VAV3: variants seen among roughly 807,000 people sequenced by gnomAD.
VAV3 encodes the protein vav guanine nucleotide exchange factor 3.
A neutral mutation model predicts 131.2 loss-of-function variants in VAV3; 94 were observed. The ratio of observed to expected loss-of-function variants is 0.72; its 90% CI spans 0.61 to 0.85. The LOEUF (loss-of-function observed/expected upper bound fraction) is 0.85. VAV3 is among the 40% of genes least tolerant of loss of function. The pLI, the probability that VAV3 is intolerant of heterozygous loss-of-function variation, is 0.00. For missense variants in VAV3, 939 were observed against 1,002.7 expected, an observed-to-expected ratio of 0.94 and a Z score of 0.86; for synonymous variants, 349 against 342.0, an observed-to-expected ratio of 1.02 and a Z score of -0.22.
intron 15 of VAV3, among the ~76,000 whole-genome samples, chr1:107,719,153 A>C (rs1661322426): frequency 6.6e-6 from 1 of 152,230 alleles, no homozygotes; most frequent in Non-Finnish European, 1.5e-5. Flanking sequence ...ATGGGCAAGG[A>C]CTTCATGACT....
At chr1:107,719,365 AAATC>A (rs530752549) in intron 15 of VAV3, among the ~76,000 whole-genome samples, 39 of 152,332 alleles carry the variant, frequency 2.6e-4, no homozygotes, top group South Asian at 1.9e-3. Context: ...TTACAAGAGA[AAATC>A]AAACAACTCC....
At position 107,736,444 on chromosome 1, in the gene VAV3, T is replaced by C. The variant is rs142816342; in HGVS notation, c.1502+12524A>G. 6.6e-3 allele frequency among the ~76,000 whole-genome samples: 1,001 copies of C among 152,320 alleles called. 13 individuals carry two copies. The highest frequency in any genetic ancestry group is 6.8e-3 in the Middle Eastern group (2 of 294). ...TCCCTGTTTGCAGATGACACGATTG[T>C]ATATTTAGAAAACCCCATCACCTCA... On this transcript the variant is annotated intron_variant, in intron 15 of 26. Coordinates refer to ENST00000370056, the MANE Select transcript of VAV3 (RefSeq NM_006113.5).
chr1:107,849,963 TATG>T (rs1248474237), intron 2 of VAV3, among the ~76,000 whole-genome samples: 4 of 152,110 alleles, frequency 2.6e-5, no homozygotes, highest in African/African-American at 9.7e-5. Context: ...CCAACACACA[TATG>T]AAGAAAAGCT....
At chr1:107,964,582 C>T in intron 1 of VAV3, 84 bp downstream of exon 1, 1 of 1,442,948 alleles carries the variant, frequency 6.9e-7, no homozygotes, top group African/African-American at 1.4e-5. Context: ...CGCACCTAGA[C>T]GTTTGCATTT....
intron 19 of VAV3, among the ~76,000 whole-genome samples, chr1:107,680,404 T>C (rs1658519279): frequency 6.6e-6 from 1 of 152,170 alleles, no homozygotes; most frequent in Non-Finnish European, 1.5e-5. Flanking sequence ...TTTAATATTA[T>C]TCTCCTTCAC....
intron 25 of VAV3, chr1:107,578,951 ATAGG>A (rs1292224777): frequency 2.7e-5 from 26 of 971,486 alleles, no homozygotes; most frequent in Non-Finnish European, 3.2e-5. Context: ...AATTTCAACA[ATAGG>A]TAGGTAAATT....
intron 1 of VAV3, among the ~76,000 whole-genome samples, chr1:107,900,093 T>C (rs1671783112): frequency 6.6e-6 from 1 of 152,318 alleles, no homozygotes; most frequent in East Asian, 1.9e-4. Flanking sequence ...AATCCTGCAC[T>C]AAACACATTA....
chr1:107,626,300 T>C (rs545606298), intron 20 of VAV3, among the ~76,000 whole-genome samples: 1 of 152,242 alleles, frequency 6.6e-6, no homozygotes, highest in South Asian at 2.1e-4. Context: ...CCAGGGAAAA[T>C]GTTTCTTACA....
At chr1:107,834,112 A>G (rs1668373657) in intron 2 of VAV3, among the ~76,000 whole-genome samples, 1 of 152,234 alleles carries the variant, frequency 6.6e-6, no homozygotes, top group South Asian at 2.1e-4. Context: ...TTTGCTGTAA[A>G]TAATTCTTGT....
At position 107,957,997 on chromosome 1, in the gene VAV3, C is replaced by T. The variant is rs78692758; in HGVS notation, c.204+6669G>A. Among the ~76,000 whole-genome samples, 314 of 152,216 alleles carry T rather than the reference C, an allele frequency of 2.1e-3. 1 individual carries two copies. Among genetic ancestry groups the T allele is most frequent in the Middle Eastern group, 6.8e-3 (2 of 292 alleles). On this transcript the variant is annotated intron_variant, in intron 1 of 26. Transcript: ENST00000370056. ...ACCCCAGGCTCTGCTTTCCAGAGAA[C>T]CTAGGTTAAGCCACCAATCACGCAG...
At chr1:107,799,033 A>G (rs1473178525) in intron 2 of VAV3, among the ~76,000 whole-genome samples, 2 of 152,172 alleles carry the variant, frequency 1.3e-5, no homozygotes, top group East Asian at 1.9e-4. Context: ...TGATGAAAGC[A>G]CAGCTTATCA....
intron 6 of VAV3, 45 bp from the exon 7 acceptor site, chr1:107,768,554 C>T (rs1664862932): frequency 6.7e-7 from 1 of 1,488,696 alleles, no homozygotes; most frequent in Admixed American, 1.7e-5. Flanking sequence ...ATAACTTGTC[C>T]TAATCTATAT....
intron 1 of VAV3, among the ~76,000 whole-genome samples, chr1:107,889,132 A>AGTGTGTGT (rs5776903): frequency 0.29 from 41,156 of 141,766 alleles, 6,081 homozygotes; most frequent in African/African-American, 0.34. Flanking sequence ...TCCTGTGTAG[A>AGTGTGTGT]GTGTGTGTGT....
intron 19 of VAV3, among the ~76,000 whole-genome samples, chr1:107,662,238 C>T (rs1657074483): frequency 6.6e-6 from 1 of 152,094 alleles, no homozygotes; most frequent in African/African-American, 2.4e-5. Context: ...TGTACCTAGT[C>T]CCCTTCCTCC....
intron 2 of VAV3, among the ~76,000 whole-genome samples, chr1:107,789,076 C>G (rs947513765): frequency 6.6e-6 from 1 of 152,166 alleles, no homozygotes; most frequent in African/African-American, 2.4e-5. Context: ...AATGGACATG[C>G]CCCATGTGCT....
chr1:107,695,601 C>T (rs970150385), intron 17 of VAV3, among the ~76,000 whole-genome samples: 16 of 152,048 alleles, frequency 1.1e-4, no homozygotes, highest in East Asian at 3.9e-4. Flanking sequence ...CAATGCAAGA[C>T]GCATGGGAGG....
At chr1:107,749,712 T>C in intron 13 of VAV3, 118 bp from the exon 14 acceptor site, 3 of 1,152,790 alleles carry the variant, frequency 2.6e-6, no homozygotes, top group Non-Finnish European at 3.6e-6. Context: ...ACAGGTAGTA[T>C]CATACACTGA....
intron 1 of VAV3, among the ~76,000 whole-genome samples, chr1:107,951,366 T>A (rs1299196835): frequency 2.6e-5 from 4 of 152,190 alleles, no homozygotes; most frequent in Non-Finnish European, 5.9e-5. Context: ...TCAACTCCAT[T>A]TTCTCTTCGC....
chr1:107,575,323 T>A (rs1358072640), intron 25 of VAV3, among the ~76,000 whole-genome samples: 1 of 152,166 alleles, frequency 6.6e-6, no homozygotes, highest in African/African-American at 2.4e-5. Flanking sequence ...ACCATCTGTA[T>A]TTTTAACAGT....
Sources: allele counts gnomAD v4.1 joint callset (sites outside exome capture counted in the v4.1 genomes callset), GRCh38; gene constraint gnomAD v4.1.1; transcripts MANE v1.5; gene names NCBI Gene and HGNC (gene_info 2026-07-23, HGNC 2026-07-21).